Variants in ALDH1A1 observed in about 807,000 individuals in gnomAD.
ALDH1A1 encodes aldehyde dehydrogenase 1A1.
Under a neutral mutation model 62.1 loss-of-function variants are expected in ALDH1A1, and 19 were observed. The ratio of observed to expected loss-of-function variants is 0.31; its 90% confidence interval spans 0.21 to 0.45. ALDH1A1 has a LOEUF of 0.45. Ranked by LOEUF, ALDH1A1 falls within the 20% of genes least tolerant of loss-of-function variation. ALDH1A1 has a pLI of 1.00. For synonymous variants in ALDH1A1, 231 were observed against 215.9 expected (o/e 1.07, Z -0.61); for missense variants, 521 against 607.1 (o/e 0.86, Z 1.49).
In ALDH1A1 at chr9:72,918,705, G is replaced by A. The variant is rs752801595; in HGVS notation, c.850+15C>T. Reference sequence around the variant, plus strand: ...CGATGAAGGACGAAAAGTTAACAAAGTGGTTTCTACTCACAGTCGGCATCA... The same window carrying A: ...CGATGAAGGACGAAAAGTTAACAAAATGGTTTCTACTCACAGTCGGCATCA... On this transcript the variant is annotated intron_variant, in intron 8 of 12. Coordinates refer to ENST00000297785, the MANE Select transcript of ALDH1A1 (RefSeq NM_000689.5). 22 of 1,414,746 alleles carry A rather than the reference G, an allele frequency of 1.6e-5. No individual in the cohort carries two copies. The Admixed American group carries it at 4.3e-4, about 28-fold the overall frequency. The allele number at this position is 1,414,746 out of a possible 1,614,324, so 87.6% of individuals were successfully genotyped here. A position where few individuals can be genotyped will look rare whatever the true frequency, so the allele number is the denominator to read the frequency against.
chr9:72,936,820 C>A (rs1184624565), intron 2 of ALDH1A1, among the ~76,000 whole-genome samples: 4 of 152,054 alleles, frequency 2.6e-5, no homozygotes, highest in Non-Finnish European at 5.9e-5. Flanking sequence ...AACTCTTTGA[C>A]CCCTGTTAAA....
chr9:72,927,265 G>T, intron 4 of ALDH1A1, 88 bp from the exon 5 acceptor site: 1 of 967,906 alleles, frequency 1.0e-6, no homozygotes, highest in Non-Finnish European at 1.6e-6. Flanking sequence ...GAAAGGTGTA[G>T]ACAATAATTT....
chr9:72,903,375 G>A (rs1455444560), intron 12 of ALDH1A1, among the ~76,000 whole-genome samples: 1 of 151,856 alleles, frequency 6.6e-6, no homozygotes, highest in Non-Finnish European at 1.5e-5. Flanking sequence ...AAACACACTG[G>A]GGTCTGCATA....
Position 72,901,012 on chromosome 9 carries a change from C to T in ALDH1A1, c.*196G>A, listed in dbSNP as rs1272614952. ...TATTTAGGATAGGACTTGGGGGTCA[C>T]ATTTCAGAAGGCAAATAATTCTTTC... On this transcript the variant is annotated 3_prime_UTR_variant, in exon 13 of 13. Coordinates refer to ENST00000297785, the MANE Select transcript of ALDH1A1 (RefSeq NM_000689.5). 4 of 451,518 alleles carry T rather than the reference C, an allele frequency of 8.9e-6. No homozygotes were observed. Among genetic ancestry groups the T allele is most frequent in the African/African-American group, 2.0e-5 (1 of 51,078 alleles). 28.0% of individuals were successfully genotyped at this position (451,518 alleles called of 1,614,324 possible). A position where few individuals can be genotyped will look rare whatever the true frequency, so the allele number is the denominator to read the frequency against.
At chr9:72,920,478 AT>A (rs8187946) in intron 7 of ALDH1A1, among the ~76,000 whole-genome samples, 1,861 of 152,142 alleles carry the variant, frequency 0.012, 43 homozygotes, top group African/African-American at 0.043. Context: ...TTCTTTCTGA[AT>A]TTTTTTTATT....
At chr9:72,931,726 G>C (rs768967083) in intron 2 of ALDH1A1, among the ~76,000 whole-genome samples, 1 of 152,192 alleles carries the variant, frequency 6.6e-6, no homozygotes, top group Non-Finnish European at 1.5e-5. Flanking sequence ...CATGGAAATA[G>C]TGGAACTAAT....
chr9:72,917,500 G>A (rs1043457893), intron 8 of ALDH1A1, among the ~76,000 whole-genome samples: 9 of 151,886 alleles, frequency 5.9e-5, no homozygotes, highest in African/African-American at 9.7e-5. Flanking sequence ...CATGTCTATC[G>A]AATTAAATAA....
At position 72,906,023 on chromosome 9, in the gene ALDH1A1, G is replaced by A; in HGVS notation, c.1368C>T (p.Cys456=). The change falls in exon 12 of 13, where the codon TGC becomes TGT. Residue 456 remains cysteine, a synonymous_variant. Coordinates refer to ENST00000297785, the MANE Select transcript of ALDH1A1 (RefSeq NM_000689.5). ...GGCACTGGGCACTTACCACGCCATA[G>A]CAATTCACCCTGAAGGAAAAGAAAA... The part of the protein sequence containing the change: ...ALQAGTVWVN[C]YGVVSAQCPF... 6.2e-7 allele frequency: 1 copy of A among 1,611,142 alleles called. No homozygotes were observed. Among genetic ancestry groups the A allele is most frequent in the Non-Finnish European group, 8.5e-7 (1 of 1,178,304 alleles).
chr9:72,942,999 G>A (rs1018300361), intron 1 of ALDH1A1, among the ~76,000 whole-genome samples: 5 of 151,962 alleles, frequency 3.3e-5, no homozygotes, highest in African/African-American at 9.7e-5. Context: ...AAGATATTGC[G>A]ATACCTGCCG....
intron 12 of ALDH1A1, among the ~76,000 whole-genome samples, chr9:72,903,455 A>G (rs1331294587): frequency 6.6e-6 from 1 of 152,064 alleles, no homozygotes; most frequent in Admixed American, 6.6e-5. Context: ...AGGAAAATTT[A>G]TAATTTAACT....
rs151115110 is a variant in ALDH1A1, at chr9:72,948,488, A to C, written c.66+4447T>G. ...TTAGCCTTTGGATAGTTCTTTGAGC[A>C]TAACATGCTCTTGTCCTCGGGGTCT... On this transcript the variant is annotated intron_variant, in intron 1 of 12. Transcript: ENST00000297785. Among the ~76,000 whole-genome samples the C allele has an allele frequency of 3.2e-3, 485 of 151,986 alleles. 2 individuals are homozygous for C. Among genetic ancestry groups the C allele is most frequent in the African/African-American group, 0.011 (464 of 41,508 alleles).
At chr9:72,937,103 C>G (rs1026915854) in intron 2 of ALDH1A1, among the ~76,000 whole-genome samples, 2 of 152,006 alleles carry the variant, frequency 1.3e-5, no homozygotes, top group African/African-American at 4.8e-5. Context: ...CAGGTTAGTA[C>G]TAAATTCCTA....
chr9:72,930,185 C>T (rs1037310810), intron 3 of ALDH1A1, among the ~76,000 whole-genome samples: 1 of 152,052 alleles, frequency 6.6e-6, no homozygotes, highest in Non-Finnish European at 1.5e-5. Context: ...CCAATTGAGA[C>T]AACAGAAACA....
At chr9:72,926,889 G>A (rs980690640) in intron 5 of ALDH1A1, 4 of 428,816 alleles carry the variant, frequency 9.3e-6, no homozygotes, top group African/African-American at 2.0e-5. Flanking sequence ...GGATGATGTA[G>A]TATTAAAACA....
At chr9:72,941,887 G>C (rs1372846854) in intron 1 of ALDH1A1, among the ~76,000 whole-genome samples, 2 of 152,078 alleles carry the variant, frequency 1.3e-5, no homozygotes, top group Non-Finnish European at 2.9e-5. Flanking sequence ...GAAATTGATG[G>C]TAAAACACAT....
At chr9:72,933,739 A>ATTGT (rs1458288034) in intron 2 of ALDH1A1, among the ~76,000 whole-genome samples, 4 of 152,254 alleles carry the variant, frequency 2.6e-5, no homozygotes, top group African/African-American at 9.6e-5. Flanking sequence ...AATGGTGGCA[A>ATTGT]TTGTTACTGT....
At chr9:72,923,585 T>A (rs1830167866) in intron 7 of ALDH1A1, among the ~76,000 whole-genome samples, 1 of 152,040 alleles carries the variant, frequency 6.6e-6, no homozygotes, top group Non-Finnish European at 1.5e-5. Flanking sequence ...GGAAGCTGAG[T>A]TTCTGGCTCT....
chr9:72,920,932 A>G (rs572678298), intron 7 of ALDH1A1, among the ~76,000 whole-genome samples: 2 of 152,362 alleles, frequency 1.3e-5, no homozygotes, highest in Admixed American at 1.3e-4. Context: ...GTCTTGCATA[A>G]TGTGGGTAGA....
At position 72,939,039 on chromosome 9, in the gene ALDH1A1, G is replaced by A. The variant is rs1000304706; in HGVS notation, c.171+1109C>T. ...ATTACAGGTGAGAGCCACTGCGCCC[G>A]GCCAACCCTATCTTACTTTCATAAT... On this transcript the variant is annotated intron_variant, in intron 2 of 12. Coordinates refer to ENST00000297785, the MANE Select transcript of ALDH1A1 (RefSeq NM_000689.5). 3.9e-5 allele frequency among the ~76,000 whole-genome samples: 6 copies of A among 152,008 alleles called. No individual in the cohort carries two copies. The East Asian group carries it at 1.2e-3, about 29-fold the overall frequency.
Sources: allele counts gnomAD v4.1 joint callset (sites outside exome capture counted in the v4.1 genomes callset), GRCh38; gene constraint gnomAD v4.1.1; transcripts MANE v1.5; gene names NCBI Gene and HGNC (gene_info 2026-07-23, HGNC 2026-07-21).